AFF2: variants seen among roughly 807,000 people sequenced by gnomAD.
AFF2 encodes the protein ALF transcription elongation factor 2, also known as AF4/FMR2 family member 2.
In AFF2, 14 loss-of-function variants were observed where a neutral mutation model predicts 76.9. The ratio of observed to expected loss-of-function variants is 0.18; its 90% confidence interval spans 0.12 to 0.28. The LOEUF (loss-of-function observed/expected upper bound fraction) is 0.28, where lower values mean the gene tolerates loss of function less well. Among genes scored for constraint, AFF2 ranks in the 10% least tolerant of loss-of-function variants. AFF2 has a pLI of 1.00. For missense variants in AFF2, 868 were observed against 1,001.1 expected, an observed-to-expected ratio of 0.87 and a Z score of 1.79; for synonymous variants, 398 against 366.7, an observed-to-expected ratio of 1.09 and a Z score of -0.98.
intron 9 of AFF2, among the ~76,000 whole-genome samples, chrX:148,938,387 G>A (rs782027131): frequency 7.9e-4 from 88 of 111,944 alleles, no homozygotes; most frequent in African/African-American, 2.7e-3. Context: ...ATTGTCTTGC[G>A]TGGCACATAA....
At chrX:148,872,081 T>G (rs925487105) in intron 7 of AFF2, among the ~76,000 whole-genome samples, 2 of 110,742 alleles carry the variant, frequency 1.8e-5, no homozygotes, top group Non-Finnish European at 3.8e-5. Context: ...TCTCCGTTCT[T>G]CTCTTGTCCA....
Position 148,722,134 on chromosome X carries a change from G to A in AFF2, c.1041+59366G>A, listed in dbSNP as rs782432219. 5.4e-5 allele frequency among the ~76,000 whole-genome samples: 6 copies of A among 111,318 alleles called. No homozygotes were observed. In the South Asian group the frequency reaches 1.1e-3, roughly 21 times the overall value. On this transcript the variant is annotated intron_variant, in intron 3 of 20. Coordinates refer to ENST00000370460, the MANE Select transcript of AFF2 (RefSeq NM_002025.4). ...TCTGTTAAGGTCTTATAGTATACTA[G>A]GTGCTGATCTTGATATGGAAGGACT... is the stretch of plus-strand genomic sequence containing the variant.
chrX:148,719,960 C>A (rs782783299), intron 3 of AFF2, among the ~76,000 whole-genome samples: 2 of 110,946 alleles, frequency 1.8e-5, no homozygotes, highest in Admixed American at 1.9e-4. Context: ...ACTCACTTTG[C>A]CCATTTACAT....
chrX:148,826,714 A>T (rs1364959866), intron 4 of AFF2, among the ~76,000 whole-genome samples: 1 of 111,792 alleles, frequency 8.9e-6, no homozygotes, highest in African/African-American at 3.3e-5. Context: ...TGCCACTGTT[A>T]ATATGGAATA....
intron 8 of AFF2, among the ~76,000 whole-genome samples, chrX:148,890,638 A>G (rs989898223): frequency 9.8e-5 from 11 of 112,420 alleles, no homozygotes; most frequent in African/African-American, 2.9e-4. Context: ...TAGGTTGCCA[A>G]TGATCTGCAC....
At chrX:148,544,628 T>G (rs1002915760) in intron 1 of AFF2, among the ~76,000 whole-genome samples, 2 of 112,350 alleles carry the variant, frequency 1.8e-5, no homozygotes, top group Non-Finnish European at 3.8e-5. Flanking sequence ...GTAGGGCAAT[T>G]CTGTATTCAC....
Position 148,700,985 on chromosome X carries a change from GGAGAGAGA to G in AFF2, c.1041+38236_1041+38243del, listed in dbSNP as rs34108020. ...TGAGAACTTTTTGGTAGGTATGATG[GGAGAGAGA>G]GAGAGAGAGAGAGAGAGAATGTGTG... On this transcript the variant is annotated intron_variant, in intron 3 of 20. Transcript: ENST00000370460. Among the ~76,000 whole-genome samples the G allele has an allele frequency of 1.5e-4, 12 of 81,901 alleles. No homozygotes were observed. The East Asian group carries it at 4.1e-3, about 28-fold the overall frequency. The allele number at this position is 81,901 out of a possible 115,157, so 71.1% of individuals were successfully genotyped here.
intron 3 of AFF2, among the ~76,000 whole-genome samples, chrX:148,686,290 T>C (rs1557260337): frequency 8.9e-6 from 1 of 111,851 alleles, no homozygotes; most frequent in African/African-American, 3.2e-5. Flanking sequence ...ATTTTACATA[T>C]GCTGAATGAA....
chrX:148,527,258 A>G (rs1276929901), intron 1 of AFF2, among the ~76,000 whole-genome samples: 1 of 112,040 alleles, frequency 8.9e-6, no homozygotes, highest in African/African-American at 3.2e-5. Context: ...CTATGAGGAA[A>G]CATCAGACAA....
rs139741030 is a variant in AFF2, at chrX:148,957,687, T to C, written c.2569-650T>C. On this transcript the variant is annotated intron_variant, in intron 11 of 20. Coordinates refer to ENST00000370460, the MANE Select transcript of AFF2 (RefSeq NM_002025.4). ...TTCCAAAATTCAAAAATATTCAAAG[T>C]CTGAAACATTTCTGGTCCCAACTAT... Among the ~76,000 whole-genome samples the C allele has an allele frequency of 5.3e-3, 597 of 112,266 alleles. 7 individuals carry two copies. Among genetic ancestry groups the C allele is most frequent in the African/African-American group, 0.018 (553 of 30,941 alleles).
chrX:148,956,550 C>G lies in AFF2; in HGVS notation c.2505C>G (p.Pro835=). ...KPDHKETATK[P]KRQTAVTAVE... Reference sequence around the variant, plus strand: ...ACCACAAGGAGACTGCCACAAAACCCAAGCGTCAGACAGCTGTCACAGCTG... The same window carrying G: ...ACCACAAGGAGACTGCCACAAAACCGAAGCGTCAGACAGCTGTCACAGCTG... Residue 835 remains proline (P), a synonymous_variant, in exon 11 of 21, where the codon CCC becomes CCG. Transcript: ENST00000370460. The G allele has an allele frequency of 2.5e-6, 3 of 1,211,927 alleles. No homozygotes were observed. The highest frequency in any genetic ancestry group is 3.4e-6 in the Non-Finnish European group (3 of 895,510).
rs2071715371 is a variant in AFF2, at chrX:148,931,689, T to A, written c.1398-21891T>A. ...TGTTTTTATTCTGCTGTAGGTATTA[T>A]GTCATATTTGGGAAGGAGTGGGGTT... On this transcript the variant is annotated intron_variant, in intron 9 of 20. Transcript: ENST00000370460. Among the ~76,000 whole-genome samples, 3 of 112,005 alleles carry A rather than the reference T, an allele frequency of 2.7e-5. No homozygotes were observed. In the South Asian group the frequency reaches 1.1e-3, roughly 42 times the overall value.
chrX:148,738,125 G>A (rs1384265488), intron 3 of AFF2, among the ~76,000 whole-genome samples: 2 of 111,343 alleles, frequency 1.8e-5, no homozygotes, highest in African/African-American at 6.5e-5. Flanking sequence ...GGTGCTGCTG[G>A]CTTCATAGAA....
intron 3 of AFF2, among the ~76,000 whole-genome samples, chrX:148,782,971 A>G (rs1318514309): frequency 5.3e-5 from 6 of 112,307 alleles, no homozygotes; most frequent in African/African-American, 1.9e-4. Context: ...AGTATAAATC[A>G]GGAAAAGGGG....
At chrX:148,843,307 G>T in intron 6 of AFF2, 75 bp from the exon 7 acceptor site, 1 of 918,470 alleles carries the variant, frequency 1.1e-6, no homozygotes. Flanking sequence ...TGCATGTTTG[G>T]AGATCAATTT....
At chrX:148,941,093 G>A (rs73249448) in intron 9 of AFF2, among the ~76,000 whole-genome samples, 1 of 111,828 alleles carries the variant, frequency 8.9e-6, no homozygotes, top group Non-Finnish European at 1.9e-5. Flanking sequence ...ATAGTCTTTG[G>A]CAAAGAATGG....
chrX:148,636,692 A>C (rs1316872964), intron 1 of AFF2, among the ~76,000 whole-genome samples: 3 of 112,110 alleles, frequency 2.7e-5, no homozygotes, highest in African/African-American at 9.7e-5. Context: ...CCAAGAAAAT[A>C]TCAGTAAACT....
At chrX:148,523,871 A>C (rs927515416) in intron 1 of AFF2, among the ~76,000 whole-genome samples, 2 of 111,768 alleles carry the variant, frequency 1.8e-5, no homozygotes, top group Non-Finnish European at 3.8e-5. Flanking sequence ...GTAATCGTGT[A>C]GGCAGGGATG....
At chrX:148,817,788 A>G (rs1603305939) in intron 4 of AFF2, among the ~76,000 whole-genome samples, 1 of 111,830 alleles carries the variant, frequency 8.9e-6, no homozygotes, top group African/African-American at 3.2e-5. Flanking sequence ...AGTGGGTTTT[A>G]TTCCAGGAGT....
Sources: allele counts gnomAD v4.1 joint callset (sites outside exome capture counted in the v4.1 genomes callset), GRCh38; gene constraint gnomAD v4.1.1; transcripts MANE v1.5; gene names NCBI Gene and HGNC (gene_info 2026-07-23, HGNC 2026-07-21).